The following SLC13A3 variants were observed in gnomAD, a reference collection of about 807,000 sequenced individuals.
SLC13A3 encodes solute carrier family 13 member 3, also known as Na(+)/dicarboxylate cotransporter 3.
In SLC13A3, 40 loss-of-function variants were observed where a neutral mutation model predicts 59.0. The observed-to-expected ratio is 0.68, with a 90% CI of 0.53 to 0.88. The LOEUF (loss-of-function observed/expected upper bound fraction) is 0.88. Among genes scored for constraint, SLC13A3 ranks in the 40% least tolerant of loss-of-function variants. SLC13A3 has a pLI of 0.00. For missense variants in SLC13A3, 699 were observed against 783.2 expected (o/e 0.89, Z 1.28); for synonymous variants, 317 against 330.3 (o/e 0.96, Z 0.44).
In SLC13A3 at chr20:46,610,331, T is replaced by G. The variant is rs2062481488; in HGVS notation, c.541+115A>C. The G allele has an allele frequency of 5.5e-6, 5 of 910,822 alleles. No homozygotes were observed. The East Asian group carries it at 1.2e-4, about 22-fold the overall frequency. The allele number at this position is 910,822 out of a possible 1,614,324, so 56.4% of individuals were successfully genotyped here. Reference sequence around the variant, plus strand: ...TGTCATAACTAAAACACCTGACGCATAGTAGGTGCTCAATAAGTGTGCATG... The same window carrying G: ...TGTCATAACTAAAACACCTGACGCAGAGTAGGTGCTCAATAAGTGTGCATG... On this transcript the variant is annotated intron_variant, in intron 3 of 12. Transcript: ENST00000279027.
upstream of SLC13A3, among the ~76,000 whole-genome samples, chr20:46,670,660 C>G (rs2122930714): frequency 6.6e-6 from 1 of 152,294 alleles, no homozygotes; most frequent in South Asian, 2.1e-4. Flanking sequence ...GTCTCAGCCC[C>G]AGCAGAGCTC....
chr20:46,675,565 CT>C (rs915765663), intron 1 of SLC13A3, among the ~76,000 whole-genome samples: 329 of 139,370 alleles, frequency 2.4e-3, no homozygotes, highest in Middle Eastern at 3.8e-3. Context: ...TTCTTTCTTT[CT>C]TTTTTTTTTT....
intron 4 of SLC13A3, among the ~76,000 whole-genome samples, chr20:46,597,889 C>T (rs183015170): frequency 7.2e-4 from 110 of 152,116 alleles, no homozygotes; most frequent in African/African-American, 2.5e-3. Flanking sequence ...TGTTTCTAAG[C>T]GAATGAAACT....
intron 1 of SLC13A3, among the ~76,000 whole-genome samples, chr20:46,669,491 T>A (rs2063079226): frequency 6.6e-6 from 1 of 152,204 alleles, no homozygotes; most frequent in Non-Finnish European, 1.5e-5. Context: ...CTCAGAGATG[T>A]GTCTTCTGAC....
intron 1 of SLC13A3, among the ~76,000 whole-genome samples, chr20:46,633,396 C>T (rs1308528822): frequency 6.6e-6 from 1 of 152,230 alleles, no homozygotes; most frequent in Non-Finnish European, 1.5e-5. Flanking sequence ...AGCTCCACCA[C>T]TTATAAGCCA....
chr20:46,614,659 C>A (rs2062537604), intron 1 of SLC13A3, among the ~76,000 whole-genome samples: 1 of 152,182 alleles, frequency 6.6e-6, no homozygotes, highest in Non-Finnish European at 1.5e-5. Flanking sequence ...TTATTCCTAA[C>A]AAAATCCTAG....
chr20:46,621,558 AC>A (rs1342828001), intron 1 of SLC13A3, among the ~76,000 whole-genome samples: 2 of 152,186 alleles, frequency 1.3e-5, no homozygotes, highest in African/African-American at 4.8e-5. Context: ...TTTTTCATGA[AC>A]TTTTTGAAGT....
At chr20:46,610,713 G>T in intron 2 of SLC13A3, 104 bp from the exon 3 acceptor site, 3 of 959,968 alleles carry the variant, frequency 3.1e-6, no homozygotes, top group East Asian at 2.5e-5. Context: ...CCATTTTACA[G>T]ATGGAAACTT....
intron 1 of SLC13A3, among the ~76,000 whole-genome samples, chr20:46,630,106 G>T (rs2062722524): frequency 6.6e-6 from 1 of 152,196 alleles, no homozygotes; most frequent in South Asian, 2.1e-4. Context: ...CATGGACCCA[G>T]AACATGCCTC....
rs76399132 is a variant in SLC13A3, at chr20:46,609,671, C to T, written c.541+775G>A. Reference sequence around the variant, plus strand: ...GTTTTTACCTCCAATCATAACTGCTCTATGAGATCCATTTATAGAAGTACA... The same window carrying T: ...GTTTTTACCTCCAATCATAACTGCTTTATGAGATCCATTTATAGAAGTACA... On this transcript the variant is annotated intron_variant, in intron 3 of 12. Coordinates refer to ENST00000279027, the MANE Select transcript of SLC13A3 (RefSeq NM_022829.6). Among the ~76,000 whole-genome samples, 1,006 of 152,304 alleles carry T rather than the reference C, an allele frequency of 6.6e-3. 4 individuals carry two copies. Among genetic ancestry groups the T allele is most frequent in the Non-Finnish European group, 0.011 (727 of 68,034 alleles).
At chr20:46,636,105 T>C (rs1026490813) in intron 1 of SLC13A3, among the ~76,000 whole-genome samples, 1 of 152,244 alleles carries the variant, frequency 6.6e-6, no homozygotes, top group African/African-American at 2.4e-5. Flanking sequence ...GAGCAGCCTA[T>C]GCCACTGCTC....
upstream of SLC13A3, among the ~76,000 whole-genome samples, chr20:46,653,079 T>A (rs1206367596): frequency 6.6e-6 from 1 of 152,226 alleles, no homozygotes; most frequent in East Asian, 1.9e-4. Context: ...TTCCTGTCAT[T>A]TGCCTGTTTT....
intron 3 of SLC13A3, among the ~76,000 whole-genome samples, chr20:46,610,153 A>G (rs138210627): frequency 2.0e-5 from 3 of 152,328 alleles, no homozygotes; most frequent in African/African-American, 4.8e-5. Flanking sequence ...ACAAGGTTTA[A>G]TTATAGTACT....
At chr20:46,580,494 T>C (rs2062125352) in intron 9 of SLC13A3, among the ~76,000 whole-genome samples, 1 of 148,808 alleles carries the variant, frequency 6.7e-6, no homozygotes, top group Middle Eastern at 3.6e-3. Flanking sequence ...ATAAAACATA[T>C]AAATATATAC....
At chr20:46,613,379 T>C (rs1287634661) in intron 2 of SLC13A3, 81 bp downstream of exon 2, 8 of 1,264,066 alleles carry the variant, frequency 6.3e-6, no homozygotes, top group Non-Finnish European at 7.2e-6. Context: ...GACGAGTAAA[T>C]CAAGAAGAGC....
chr20:46,561,008 A>G (rs1027011628), intron 12 of SLC13A3, among the ~76,000 whole-genome samples: 4 of 152,166 alleles, frequency 2.6e-5, no homozygotes, highest in Non-Finnish European at 4.4e-5. Flanking sequence ...GGGCCCCCAA[A>G]TTACTAAGCT....
chr20:46,631,625 C>T (rs1048855421), intron 1 of SLC13A3, among the ~76,000 whole-genome samples: 9 of 152,214 alleles, frequency 5.9e-5, no homozygotes, highest in Admixed American at 3.3e-4. Context: ...AACTCAGCCC[C>T]GCTCACACCC....
intron 1 of SLC13A3, among the ~76,000 whole-genome samples, chr20:46,638,207 G>A (rs1206361540): frequency 6.6e-6 from 1 of 152,172 alleles, no homozygotes; most frequent in Non-Finnish European, 1.5e-5. Context: ...GGTGTAAAAC[G>A]CCCAACTCAG....
chr20:46,653,362 A>C (rs1410274261), upstream of SLC13A3, among the ~76,000 whole-genome samples: 2 of 152,146 alleles, frequency 1.3e-5, no homozygotes, highest in Non-Finnish European at 2.9e-5. Flanking sequence ...TTGTTCTCAC[A>C]GAAGTGTCCA....
Sources: allele counts gnomAD v4.1 joint callset (sites outside exome capture counted in the v4.1 genomes callset), GRCh38; gene constraint gnomAD v4.1.1; transcripts MANE v1.5; gene names NCBI Gene and HGNC (gene_info 2026-07-23, HGNC 2026-07-21).